SYT1: variants seen among roughly 807,000 people sequenced by gnomAD.
SYT1 encodes synaptotagmin-1.
Under a neutral mutation model 44.8 loss-of-function variants are expected in SYT1, and 8 were observed. The ratio of observed to expected loss-of-function variants is 0.18; its 90% CI spans 0.10 to 0.32. The LOEUF is 0.32. Ranked by LOEUF, SYT1 falls within the 10% of genes least tolerant of loss-of-function variation. SYT1 has a pLI of 1.00. For missense variants in SYT1, 286 were observed against 509.3 expected (o/e 0.56, Z 4.22); for synonymous variants, 154 against 188.8 (o/e 0.82, Z 1.51).
chr12:79,373,569 T>A (rs999385259), intron 9 of SYT1, among the ~76,000 whole-genome samples: 1 of 152,188 alleles, frequency 6.6e-6, no homozygotes, highest in Admixed American at 6.5e-5. Flanking sequence ...AGATTCCATT[T>A]ATTTCAACAC....
At chr12:79,438,787 G>C (rs1490524613) in intron 9 of SYT1, among the ~76,000 whole-genome samples, 1 of 152,202 alleles carries the variant, frequency 6.6e-6, no homozygotes, top group Non-Finnish European at 1.5e-5. Flanking sequence ...GGTCTCCACT[G>C]TCTTGGAGCT....
At chr12:79,407,308 C>T (rs1322763597) in intron 9 of SYT1, among the ~76,000 whole-genome samples, 3 of 152,040 alleles carry the variant, frequency 2.0e-5, no homozygotes, top group Non-Finnish European at 2.9e-5. Flanking sequence ...AAAATAGACT[C>T]ATAAGAGTAG....
At chr12:79,165,281 G>T (rs1871165014) in intron 3 of SYT1, among the ~76,000 whole-genome samples, 1 of 151,874 alleles carries the variant, frequency 6.6e-6, no homozygotes, top group Non-Finnish European at 1.5e-5. Flanking sequence ...AATCTCTGTT[G>T]ATTAATTACA....
intron 9 of SYT1, among the ~76,000 whole-genome samples, chr12:79,425,689 A>C (rs1319624929): frequency 6.6e-6 from 1 of 152,186 alleles, no homozygotes. Flanking sequence ...GTACATTGAC[A>C]TTTTAATTAA....
At chr12:78,964,006 C>CTTCAGCT (rs1276155416) in intron 1 of SYT1, 2 of 152,352 alleles carry the variant, frequency 1.3e-5, no homozygotes. Flanking sequence ...GCTTTCTGTG[C>CTTCAGCT]TTCAGCTGTC....
chr12:79,288,106 G>A (rs1161064883), intron 5 of SYT1, among the ~76,000 whole-genome samples: 1 of 151,990 alleles, frequency 6.6e-6, no homozygotes, highest in African/African-American at 2.4e-5. Context: ...TATAACCATA[G>A]CTTATGCTAC....
rs1592780298 is a variant in SYT1, at chr12:79,135,247, T to A, written c.-17-82256T>A. On this transcript the variant is annotated intron_variant, in intron 3 of 10. Coordinates refer to ENST00000261205, the MANE Select transcript of SYT1 (RefSeq NM_005639.3). ...TAGGTATATCTCCTAATGCTATCCC[T>A]CCCCCCTCCCCCCATCCCACAACAG... Among the ~76,000 whole-genome samples, 3 of 122,662 alleles carry A rather than the reference T, an allele frequency of 2.4e-5. No individual in the cohort carries two copies. The Admixed American group carries it at 2.5e-4, about 10-fold the overall frequency. The allele number at this position is 122,662 out of a possible 152,430, so 80.5% of individuals were successfully genotyped here.
chr12:78,907,027 T>A (rs1372710927), intron 1 of SYT1, among the ~76,000 whole-genome samples: 5 of 152,132 alleles, frequency 3.3e-5, no homozygotes, highest in Non-Finnish European at 5.9e-5. Flanking sequence ...TATTAAAGTG[T>A]ACATTTATGG....
At chr12:79,379,999 A>G (rs1884150991) in intron 9 of SYT1, among the ~76,000 whole-genome samples, 1 of 152,204 alleles carries the variant, frequency 6.6e-6, no homozygotes, top group African/African-American at 2.4e-5. Flanking sequence ...CATTTGGGTC[A>G]TCTTTTCTGA....
chr12:79,304,561 C>T (rs1162509543), intron 8 of SYT1, among the ~76,000 whole-genome samples: 1 of 152,172 alleles, frequency 6.6e-6, no homozygotes, highest in Non-Finnish European at 1.5e-5. Flanking sequence ...GTGTCTCCCT[C>T]TTTGTAACCC....
At chr12:79,365,369 A>G (rs746741901) in intron 9 of SYT1, among the ~76,000 whole-genome samples, 9 of 152,058 alleles carry the variant, frequency 5.9e-5, no homozygotes, top group Non-Finnish European at 1.3e-4. Flanking sequence ...TCTTATAAAT[A>G]TAACTATGAG....
At chr12:79,135,102 A>C (rs141545631) in intron 3 of SYT1, among the ~76,000 whole-genome samples, 3 of 152,124 alleles carry the variant, frequency 2.0e-5, no homozygotes, top group Non-Finnish European at 4.4e-5. Context: ...AAGTGCATAT[A>C]CTTTTTTATT....
At chr12:78,889,642 C>T (rs1397073781) in intron 1 of SYT1, among the ~76,000 whole-genome samples, 2 of 149,470 alleles carry the variant, frequency 1.3e-5, no homozygotes, top group Non-Finnish European at 3.0e-5. Context: ...AACGAAGAGC[C>T]CATGTCTTGA....
chr12:79,390,874 C>T (rs988977431), intron 9 of SYT1, among the ~76,000 whole-genome samples: 3 of 152,128 alleles, frequency 2.0e-5, no homozygotes, highest in African/African-American at 7.2e-5. Context: ...ATTGCTCATC[C>T]TTATGAAGTA....
chr12:79,124,950 G>A (rs1385400968), intron 3 of SYT1, among the ~76,000 whole-genome samples: 1 of 152,032 alleles, frequency 6.6e-6, no homozygotes, highest in East Asian at 1.9e-4. Context: ...AAGAAAGGAG[G>A]GAAATTGAGA....
chr12:79,206,670 G>A (rs6539295), intron 3 of SYT1, among the ~76,000 whole-genome samples: 115,678 of 152,192 alleles, frequency 0.76, 44,817 homozygotes, highest in African/African-American at 0.91. Context: ...TCTTCCATGT[G>A]CAGTTAGGAA....
chr12:79,070,056 C>A (rs1876159055), intron 3 of SYT1, among the ~76,000 whole-genome samples: 1 of 152,054 alleles, frequency 6.6e-6, no homozygotes, highest in Non-Finnish European at 1.5e-5. Context: ...ATTAAGGTGT[C>A]ATAGGTAAAT....
intron 3 of SYT1, among the ~76,000 whole-genome samples, chr12:79,093,720 A>C (rs1466748401): frequency 6.6e-6 from 1 of 151,558 alleles, no homozygotes; most frequent in Non-Finnish European, 1.5e-5. Context: ...TTTCTTCAAC[A>C]ACAAAAAATC....
In SYT1 at chr12:79,249,480, G is replaced by A. The variant is rs372082554; in HGVS notation, c.166+31795G>A. On this transcript the variant is annotated intron_variant, in intron 4 of 10. Coordinates refer to ENST00000261205, the MANE Select transcript of SYT1 (RefSeq NM_005639.3). ...TGAGAAATCACATGCATCCAGAGGAGACAGACTCTAAAGGACATACACAAC... is the reference window on the plus strand; with the variant it reads ...TGAGAAATCACATGCATCCAGAGGAAACAGACTCTAAAGGACATACACAAC... 4.6e-5 allele frequency among the ~76,000 whole-genome samples: 7 copies of A among 152,282 alleles called. 1 individual carries two copies. Among genetic ancestry groups the A allele is most frequent in the Admixed American group, 3.3e-4 (5 of 15,294 alleles).
Sources: allele counts gnomAD v4.1 joint callset (sites outside exome capture counted in the v4.1 genomes callset), GRCh38; gene constraint gnomAD v4.1.1; transcripts MANE v1.5; gene names NCBI Gene and HGNC (gene_info 2026-07-23, HGNC 2026-07-21).